The following RBFOX1 variants were observed in gnomAD, a reference collection of about 807,000 sequenced individuals.
The protein encoded by RBFOX1 is RNA binding fox-1 homolog 1, also known as RNA binding protein fox-1 homolog 1.
RBFOX1 carries 8 observed loss-of-function variants against 57.7 expected under a neutral mutation model. That is an observed-to-expected ratio of 0.14 (90% CI 0.08 to 0.25). The LOEUF is 0.25. RBFOX1 is among the 10% of genes least tolerant of loss of function. The pLI is 1.00. For synonymous variants in RBFOX1, 326 were observed against 222.4 expected (o/e 1.47, Z -4.15); for missense variants, 611 against 548.5 (o/e 1.11, Z -1.14).
intron 4 of RBFOX1, among the ~76,000 whole-genome samples, chr16:7,077,601 C>T (rs1287315259): frequency 6.6e-6 from 1 of 152,128 alleles, no homozygotes; most frequent in Non-Finnish European, 1.5e-5. Flanking sequence ...AGCAAATGTT[C>T]AGTATCATGT....
At chr16:6,618,776 C>T (rs897584552) in intron 2 of RBFOX1, among the ~76,000 whole-genome samples, 2 of 152,172 alleles carry the variant, frequency 1.3e-5, no homozygotes, top group Non-Finnish European at 2.9e-5. Flanking sequence ...AAAGAATCCA[C>T]CAACACAGTG....
intron 2 of RBFOX1, among the ~76,000 whole-genome samples, chr16:5,561,718 C>T (rs1385581124): frequency 1.3e-5 from 2 of 152,090 alleles, no homozygotes; most frequent in African/African-American, 4.8e-5. Flanking sequence ...CCAGGAGGGT[C>T]CCCAGGACTT....
chr16:6,125,085 C>T (rs1202706300), intron 1 of RBFOX1, among the ~76,000 whole-genome samples: 1 of 152,140 alleles, frequency 6.6e-6, no homozygotes, highest in Non-Finnish European at 1.5e-5. Context: ...TCCCCATCCT[C>T]CACATCCACT....
intron 1 of RBFOX1, among the ~76,000 whole-genome samples, chr16:6,020,905 C>G (rs2095061166): frequency 6.6e-6 from 1 of 152,206 alleles, no homozygotes; most frequent in Non-Finnish European, 1.5e-5. Flanking sequence ...AGACCCCGAT[C>G]TAACCTTGTC....
chr16:5,630,565 G>C (rs1474254310), intron 3 of RBFOX1, among the ~76,000 whole-genome samples: 2 of 152,160 alleles, frequency 1.3e-5, no homozygotes, highest in Non-Finnish European at 2.9e-5. Context: ...GCCACGTCAG[G>C]ACCTTCAGAG....
chr16:7,266,192 G>A (rs765517089), intron 4 of RBFOX1, among the ~76,000 whole-genome samples: 4 of 151,922 alleles, frequency 2.6e-5, no homozygotes, highest in Non-Finnish European at 5.9e-5. Context: ...ACCCAAGATA[G>A]TGTGGATCTC....
chr16:6,518,787 C>T (rs1221693490), intron 2 of RBFOX1, among the ~76,000 whole-genome samples: 1 of 96,344 alleles, frequency 1.0e-5, no homozygotes, highest in African/African-American at 3.7e-5. Flanking sequence ...GTCTGTCTGT[C>T]TGTGTGTCTG....
intron 3 of RBFOX1, among the ~76,000 whole-genome samples, chr16:5,822,155 C>G (rs144099335): frequency 0.012 from 1,866 of 152,296 alleles, 21 homozygotes; most frequent in Non-Finnish European, 0.019. Flanking sequence ...AAATTAGAGA[C>G]TATTATTCTA....
chr16:7,083,640 T>A (rs905318138), intron 4 of RBFOX1, among the ~76,000 whole-genome samples: 2 of 152,188 alleles, frequency 1.3e-5, no homozygotes, highest in Admixed American at 1.3e-4. Flanking sequence ...TATTCATTTT[T>A]AATCAGTTTA....
Position 6,230,006 on chromosome 16 carries a change from G to C in RBFOX1, c.-126-86989G>C, listed in dbSNP as rs374561254. ...ACACAAAAAATTGCCTGTTATCTAG[G>C]GTGTACTTGACTATGGATCTCCTTT... On this transcript the variant is annotated intron_variant, in intron 1 of 15. Transcript: ENST00000550418. Among the ~76,000 whole-genome samples the C allele has an allele frequency of 5.2e-4, 79 of 151,788 alleles. No homozygotes were observed. In the East Asian group the frequency reaches 0.011, roughly 21 times the overall value.
At chr16:7,362,917 A>C (rs542082393) in intron 4 of RBFOX1, among the ~76,000 whole-genome samples, 1 of 152,170 alleles carries the variant, frequency 6.6e-6, no homozygotes, top group South Asian at 2.1e-4. Flanking sequence ...TTCCTAACTC[A>C]GCTCTGCACT....
chr16:5,722,210 C>T lies in RBFOX1; in HGVS notation c.318+123249C>T, dbSNP rs1182140908. Among the ~76,000 whole-genome samples the T allele has an allele frequency of 3.9e-5, 6 of 152,112 alleles. No homozygotes were observed. The East Asian group carries it at 1.2e-3, about 29-fold the overall frequency. On this transcript the variant is annotated intron_variant, in intron 3 of 19. Transcript: ENST00000641259. Reference sequence around the variant, plus strand: ...AGGGTTTGTTAATTACAGTATTTAACTGTTGTCGTTATTGTTTCCTTGGAG... The same window carrying T: ...AGGGTTTGTTAATTACAGTATTTAATTGTTGTCGTTATTGTTTCCTTGGAG...
intron 3 of RBFOX1, among the ~76,000 whole-genome samples, chr16:6,739,965 G>C (rs775385855): frequency 6.6e-6 from 1 of 151,990 alleles, no homozygotes; most frequent in Non-Finnish European, 1.5e-5. Context: ...AGTAACAAAA[G>C]AAACAAGAAA....
chr16:7,182,944 T>C (rs935246070), intron 4 of RBFOX1, among the ~76,000 whole-genome samples: 1 of 152,224 alleles, frequency 6.6e-6, no homozygotes, highest in Non-Finnish European at 1.5e-5. Flanking sequence ...CTTTGTTGCT[T>C]GTTTATCATA....
intron 14 of RBFOX1, among the ~76,000 whole-genome samples, chr16:7,684,981 ATT>A (rs2075743596): frequency 6.6e-6 from 1 of 152,160 alleles, no homozygotes; most frequent in East Asian, 1.9e-4. Context: ...AAATTTCAAG[ATT>A]TGAGTGGATC....
At chr16:5,863,014 A>G (rs1304341513) in intron 3 of RBFOX1, among the ~76,000 whole-genome samples, 2 of 152,132 alleles carry the variant, frequency 1.3e-5, no homozygotes, top group East Asian at 1.9e-4. Flanking sequence ...GGTCTCCATC[A>G]TGTGGCAGAA....
intron 3 of RBFOX1, among the ~76,000 whole-genome samples, chr16:5,722,580 G>A (rs1003057235): frequency 2.6e-5 from 4 of 152,116 alleles, no homozygotes; most frequent in African/African-American, 7.2e-5. Context: ...TCCCAGGAAG[G>A]CATCTTTATC....
intron 4 of RBFOX1, among the ~76,000 whole-genome samples, chr16:7,259,842 A>G (rs549231064): frequency 5.6e-4 from 85 of 152,318 alleles, no homozygotes; most frequent in African/African-American, 1.9e-3. Flanking sequence ...TGTGTGTAAT[A>G]AGAATCTAGT....
At chr16:6,578,492 G>C (rs1158010187) in intron 2 of RBFOX1, among the ~76,000 whole-genome samples, 4 of 151,344 alleles carry the variant, frequency 2.6e-5, no homozygotes, top group Non-Finnish European at 5.9e-5. Context: ...AAAAATCCAT[G>C]GTAAAATGAA....
Sources: allele counts gnomAD v4.1 joint callset (sites outside exome capture counted in the v4.1 genomes callset), GRCh38; gene constraint gnomAD v4.1.1; transcripts MANE v1.5; gene names NCBI Gene and HGNC (gene_info 2026-07-23, HGNC 2026-07-21).